The following CERS4 variants were observed in gnomAD, a reference collection of about 807,000 sequenced individuals.
CERS4 encodes the protein LAG1 homolog, ceramide synthase 4.
CERS4 carries 65 observed loss-of-function variants against 51.8 expected under a neutral mutation model. The observed-to-expected ratio is 1.26, with a 90% CI of 1.03 to 1.54. The LOEUF is 1.54. Ranked by LOEUF, CERS4 falls within the 40% of genes most tolerant of loss-of-function variation. CERS4 has a pLI of 0.00. For missense variants in CERS4, 563 were observed against 500.4 expected (o/e 1.13, Z -1.19); for synonymous variants, 228 against 208.4 (o/e 1.09, Z -0.81).
chr19:8,245,899 T>G (rs1968759583), intron 2 of CERS4, among the ~76,000 whole-genome samples: 2 of 26,492 alleles, frequency 7.5e-5, no homozygotes, highest in Non-Finnish European at 8.7e-5. Context: ...TAAGCTTTGA[T>G]GACAAAAAAA....
intron 2 of CERS4, among the ~76,000 whole-genome samples, chr19:8,230,015 C>T (rs1568507999): frequency 6.6e-6 from 1 of 151,952 alleles, no homozygotes; most frequent in Non-Finnish European, 1.5e-5. Flanking sequence ...TGTGAGCCAC[C>T]ACATCTGGCC....
rs1275087250 is a variant in CERS4 at position 8,256,630 on chromosome 19, T to A, written c.532T>A (p.Ser178Thr). 2 of 1,612,926 alleles carry A rather than the reference T, an allele frequency of 1.2e-6. No homozygotes were observed. The highest frequency in any genetic ancestry group is 1.7e-6 in the Non-Finnish European group (2 of 1,179,562). The change falls in exon 8 of 12, where the codon TCC (serine) becomes ACC (threonine). Residue 178 changes from serine (S) to threonine (T), a missense_variant. Ser to Thr is a moderately conservative substitution (Grantham distance 58). Transcript: ENST00000251363. Reference protein sequence around the residue: ...DRYPNQTLKPSLYWWYLLELG... With the variant: ...DRYPNQTLKPTLYWWYLLELG... The stretch of plus-strand genomic sequence containing the variant: ...TGTCCTGCTGCAGACTCTGAAGCCA[T>A]CCCTGTACTGGTGGTACCTCTTGGA...
At chr19:8,233,956 G>T (rs952382321) in intron 2 of CERS4, among the ~76,000 whole-genome samples, 100 of 150,912 alleles carry the variant, frequency 6.6e-4, no homozygotes, top group African/African-American at 2.3e-3. Context: ...GGTGGTGAAG[G>T]TTGCAGTTAG....
At chr19:8,221,084 C>G (rs1905151549) in intron 2 of CERS4, among the ~76,000 whole-genome samples, 1 of 151,994 alleles carries the variant, frequency 6.6e-6, no homozygotes, top group South Asian at 2.1e-4. Context: ...CTCGGCCTCC[C>G]AAAGTGCTGG....
rs1967024717 is a variant in CERS4, at chr19:8,210,090, G to A, written c.-159+596G>A. ...GCCTGGCTGAAACGCGGAGAGGGAG[G>A]GTCTGAGGTGGAGAGAGGTTGGCCG... On this transcript the variant is annotated intron_variant, in intron 1 of 11. Coordinates refer to ENST00000251363, the MANE Select transcript of CERS4 (RefSeq NM_024552.3). This position sits in a 1 kb window ranked among gnomAD's most constrained non-coding sequence, Gnocchi z 4.2. 6.5e-6 allele frequency: 1 copy of A among 153,166 alleles called. No homozygotes were observed. Among genetic ancestry groups the A allele is most frequent in the Non-Finnish European group, 1.5e-5 (1 of 68,758 alleles). The allele number at this position is 153,166 out of a possible 1,614,324, so 9.5% of individuals were successfully genotyped here.
intron 8 of CERS4, 87 bp downstream of exon 8, chr19:8,256,797 T>C (rs1018986406): frequency 5.1e-6 from 8 of 1,567,666 alleles, no homozygotes; most frequent in Non-Finnish European, 6.9e-6. Flanking sequence ...AACCGCACCT[T>C]GAGAGCTCCC....
At chr19:8,261,122 A>G (rs190637861) in intron 10 of CERS4, 178 of 156,734 alleles carry the variant, frequency 1.1e-3, no homozygotes, top group Non-Finnish European at 2.0e-3. Context: ...GCACAGTGAA[A>G]ATGAAGCCCC....
At chr19:8,245,124 A>AAACAAACAAAAACAAAAAAAC (rs1568523487) in intron 2 of CERS4, among the ~76,000 whole-genome samples, 6 of 146,768 alleles carry the variant, frequency 4.1e-5, no homozygotes, top group Admixed American at 4.0e-4. Flanking sequence ...AAAAAAAAAA[A>AAACAAACAAAAACAAAAAAAC]AAAAAAAAAA....
At chr19:8,233,244 C>T (rs549352176) in intron 2 of CERS4, among the ~76,000 whole-genome samples, 1 of 152,084 alleles carries the variant, frequency 6.6e-6, no homozygotes, top group Non-Finnish European at 1.5e-5. Context: ...TAGCTCACTG[C>T]AACTTCCGCC....
At chr19:8,224,015 T>C (rs1053365300) in intron 2 of CERS4, among the ~76,000 whole-genome samples, 3 of 149,908 alleles carry the variant, frequency 2.0e-5, no homozygotes, top group Admixed American at 6.7e-5. Flanking sequence ...GGCAGGAGAA[T>C]TGCTTGAACC....
At chr19:8,242,327 C>T (rs188249775) in intron 2 of CERS4, among the ~76,000 whole-genome samples, 3 of 152,334 alleles carry the variant, frequency 2.0e-5, no homozygotes, top group African/African-American at 7.2e-5. Context: ...GGGGCCAGAC[C>T]TCTGCAATCA....
In CERS4 at chr19:8,262,259, C is replaced by G. The variant is rs972346714; in HGVS notation, c.*150C>G. The G allele has an allele frequency of 1.3e-6, 1 of 797,256 alleles. No homozygotes were observed. Among genetic ancestry groups the G allele is most frequent in the Admixed American group, 3.7e-5 (1 of 26,948 alleles). 49.4% of individuals were successfully genotyped at this position (797,256 alleles called of 1,614,324 possible). ...GAAGGCTGATGATCTGTCTCCAGCC[C>G]CTTCCTTCTGCCCACCCACCCTTCT... On this transcript the variant is annotated 3_prime_UTR_variant, in exon 12 of 12. Transcript: ENST00000251363.
chr19:8,228,189 C>T (rs1568506292), intron 2 of CERS4, among the ~76,000 whole-genome samples: 1 of 151,946 alleles, frequency 6.6e-6, no homozygotes, highest in Non-Finnish European at 1.5e-5. Flanking sequence ...GCCTCGGCCT[C>T]CCAAAGTGCC....
chr19:8,256,122 G>A, intron 6 of CERS4, 114 bp from the exon 7 acceptor site: 2 of 1,185,780 alleles, frequency 1.7e-6, no homozygotes, highest in South Asian at 2.8e-5. Flanking sequence ...AAAAAGCAGG[G>A]CTGGGTGAAG....
chr19:8,262,418 CA>C lies in CERS4; in HGVS notation c.*312del, dbSNP rs1319865760. Reference sequence around the variant, plus strand: ...AGGGTCCAATTAAAACAAATGGAGCCAAATTTTCTGCCTGAGAACTTGGGTC... The same window carrying C: ...AGGGTCCAATTAAAACAAATGGAGCCAATTTTCTGCCTGAGAACTTGGGTC... On this transcript the variant is annotated 3_prime_UTR_variant, in exon 12 of 12. Coordinates refer to ENST00000251363, the MANE Select transcript of CERS4 (RefSeq NM_024552.3). 4 of 311,134 alleles carry C rather than the reference CA, an allele frequency of 1.3e-5. No individual in the cohort carries two copies. Among genetic ancestry groups the C allele is most frequent in the Non-Finnish European group, 2.3e-5 (4 of 170,304 alleles). The allele number at this position is 311,134 out of a possible 1,614,324, so 19.3% of individuals were successfully genotyped here. A position where few individuals can be genotyped will look rare whatever the true frequency, so the allele number is the denominator to read the frequency against.
intron 5 of CERS4, 23 bp from the exon 6 acceptor site, chr19:8,255,799 C>T: frequency 6.2e-7 from 1 of 1,613,764 alleles, no homozygotes; most frequent in Non-Finnish European, 8.5e-7. Context: ...CTGCTATTTT[C>T]ACAGCTCCCT....
At chr19:8,251,030 C>A in intron 2 of CERS4, 46 bp from the exon 3 acceptor site, 1 of 1,532,094 alleles carries the variant, frequency 6.5e-7, no homozygotes, top group Non-Finnish European at 8.8e-7. Flanking sequence ...TTGCCCCACC[C>A]ATTCTGCTTG....
chr19:8,230,669 A>G (rs1029911269), intron 2 of CERS4, among the ~76,000 whole-genome samples: 1 of 152,016 alleles, frequency 6.6e-6, no homozygotes, highest in African/African-American at 2.4e-5. Flanking sequence ...TTTTACTTAA[A>G]CTTTTTTCTT....
chr19:8,257,796 T>G, intron 9 of CERS4, 83 bp from the exon 10 acceptor site: 1 of 1,034,848 alleles, frequency 9.7e-7, no homozygotes, highest in Admixed American at 1.8e-5. Context: ...CCACCCCAAC[T>G]CACCTGGTCC....
Sources: gnomAD v4.1 joint callset for allele counts (sites outside exome capture counted in the v4.1 genomes callset) on GRCh38, gnomAD v4.1.1 for gene constraint, Gnocchi (gnomAD v3.1) non-coding constraint, MANE v1.5 for transcripts, NCBI Gene and HGNC (gene_info 2026-07-23, HGNC 2026-07-21) for gene names.